Variants in ASIC2 observed in about 807,000 individuals in gnomAD.
The protein encoded by ASIC2 is acid sensing ion channel subunit 2.
A neutral mutation model predicts 57.3 loss-of-function variants in ASIC2; 25 were observed. The observed-to-expected ratio is 0.44, with a 90% CI of 0.32 to 0.61. ASIC2 has a LOEUF of 0.61. ASIC2 is among the 20% of genes least tolerant of loss of function. The pLI is 0.06. For synonymous variants in ASIC2, 319 were observed against 307.5 expected (o/e 1.04, Z -0.39); for missense variants, 641 against 738.1 (o/e 0.87, Z 1.52).
At chr17:33,118,794 A>G (rs1210523430) in intron 1 of ASIC2, among the ~76,000 whole-genome samples, 1 of 152,046 alleles carries the variant, frequency 6.6e-6, no homozygotes, top group African/African-American at 2.4e-5. Context: ...TTTTCCTCGA[A>G]GCCTTCTGTT....
intron 1 of ASIC2, among the ~76,000 whole-genome samples, chr17:33,948,435 G>A (rs901714860): frequency 6.6e-6 from 1 of 152,192 alleles, no homozygotes; most frequent in Non-Finnish European, 1.5e-5. Flanking sequence ...ACAATCACGG[G>A]CTCAGAGAGT....
chr17:33,189,166 C>G (rs1222403556), intron 1 of ASIC2, among the ~76,000 whole-genome samples: 1 of 152,120 alleles, frequency 6.6e-6, no homozygotes, highest in African/African-American at 2.4e-5. Flanking sequence ...TTACCCACAT[C>G]TAGTGGGTAG....
intron 1 of ASIC2, among the ~76,000 whole-genome samples, chr17:33,415,013 C>G: frequency 6.6e-6 from 1 of 152,222 alleles, no homozygotes; most frequent in East Asian, 1.9e-4. Context: ...TTCAGATGTG[C>G]AGTCCAGGCA....
intron 1 of ASIC2, among the ~76,000 whole-genome samples, chr17:33,489,800 C>T (rs750106035): frequency 6.6e-6 from 1 of 152,168 alleles, no homozygotes; most frequent in Non-Finnish European, 1.5e-5. Context: ...TGAGAATTCC[C>T]CAGGACTGTA....
chr17:33,013,905 T>C lies in ASIC2; in HGVS notation c.*60A>G. ...CATCCCACCTGAGCTTGCTGTTCCT[T>C]GTCCTGGGTCTTGGGCCTCAAGGTC... is the stretch of plus-strand genomic sequence containing the variant. On this transcript the variant is annotated 3_prime_UTR_variant, in exon 10 of 10. Coordinates refer to ENST00000225823, the MANE Select transcript of ASIC2 (RefSeq NM_183377.2). 7.1e-7 allele frequency: 1 copy of C among 1,412,534 alleles called. No individual in the cohort carries two copies. The allele number at this position is 1,412,534 out of a possible 1,614,324, so 87.5% of individuals were successfully genotyped here.
At chr17:33,082,830 A>C (rs2092118661) in intron 3 of ASIC2, among the ~76,000 whole-genome samples, 1 of 152,172 alleles carries the variant, frequency 6.6e-6, no homozygotes, top group Admixed American at 6.5e-5. Context: ...TGAATATCCC[A>C]GCTTTGCAGT....
chr17:33,712,739 G>A (rs996769522), intron 1 of ASIC2, among the ~76,000 whole-genome samples: 2 of 140,916 alleles, frequency 1.4e-5, no homozygotes, highest in Non-Finnish European at 1.5e-5. Context: ...TCCGCCTCCC[G>A]GGTTCACGCC....
At chr17:33,611,919 G>C (rs754489712) in intron 1 of ASIC2, among the ~76,000 whole-genome samples, 32 of 152,188 alleles carry the variant, frequency 2.1e-4, no homozygotes, top group Non-Finnish European at 4.1e-4. Flanking sequence ...AGAAGTCCAA[G>C]ATCTGCAGCC....
intron 1 of ASIC2, among the ~76,000 whole-genome samples, chr17:33,578,232 G>A (rs1198660720): frequency 2.0e-5 from 3 of 152,142 alleles, no homozygotes; most frequent in Non-Finnish European, 1.5e-5. Flanking sequence ...CGTTCTGAAT[G>A]CCCTTAGAAG....
intron 1 of ASIC2, among the ~76,000 whole-genome samples, chr17:33,808,393 C>A (rs1336521294): frequency 6.6e-6 from 1 of 152,178 alleles, no homozygotes; most frequent in Admixed American, 6.5e-5. Context: ...TTTGTCTATT[C>A]TTTTGCCAAT....
At chr17:33,144,649 T>G (rs1904480417) in intron 1 of ASIC2, among the ~76,000 whole-genome samples, 2 of 152,134 alleles carry the variant, frequency 1.3e-5, no homozygotes, top group Non-Finnish European at 2.9e-5. Flanking sequence ...GACCGATGCA[T>G]AATTCCAAGG....
chr17:33,747,425 C>CT (rs1910301870), intron 1 of ASIC2, among the ~76,000 whole-genome samples: 1 of 151,938 alleles, frequency 6.6e-6, no homozygotes, highest in African/African-American at 2.4e-5. Context: ...GGTTTCATCA[C>CT]TTGCCCAGGC....
intron 1 of ASIC2, among the ~76,000 whole-genome samples, chr17:33,163,237 CAAAG>C (rs1208567196): frequency 6.6e-6 from 1 of 152,148 alleles, no homozygotes; most frequent in Non-Finnish European, 1.5e-5. Flanking sequence ...GTTTTCAAGG[CAAAG>C]AAACAGCAGC....
intron 1 of ASIC2, among the ~76,000 whole-genome samples, chr17:33,189,744 TATA>T (rs1312531400): frequency 6.6e-6 from 1 of 151,974 alleles, no homozygotes; most frequent in Non-Finnish European, 1.5e-5. Flanking sequence ...ACCAAAAAGA[TATA>T]ATAATAATAA....
chr17:33,522,407 C>T (rs373122134), intron 1 of ASIC2, among the ~76,000 whole-genome samples: 1 of 152,214 alleles, frequency 6.6e-6, no homozygotes, highest in African/African-American at 2.4e-5. Flanking sequence ...TGGGCTGAGG[C>T]CCACCTGTGG....
At position 34,094,263 on chromosome 17, in the gene ASIC2, G is replaced by T. The variant is rs577590465; in HGVS notation, c.555+61715C>A. ...CTTCCACTGGCCCTTACTAATCTGAGACCTTGGCTAGGTCATTTAGCCTTA... is the reference window on the plus strand; with the variant it reads ...CTTCCACTGGCCCTTACTAATCTGATACCTTGGCTAGGTCATTTAGCCTTA... On this transcript the variant is annotated intron_variant, in intron 1 of 9. Coordinates refer to the ASIC2 transcript ENST00000359872. 3.3e-5 allele frequency among the ~76,000 whole-genome samples: 5 copies of T among 152,196 alleles called. No individual in the cohort carries two copies. In the East Asian group the frequency reaches 9.7e-4, roughly 29 times the overall value.
chr17:33,662,334 A>G (rs1452279066), intron 1 of ASIC2, among the ~76,000 whole-genome samples: 1 of 151,980 alleles, frequency 6.6e-6, no homozygotes, highest in Non-Finnish European at 1.5e-5. Context: ...AGTAACCTCT[A>G]CTCAAGCCAG....
At chr17:33,793,337 T>A (rs1597878375) in intron 1 of ASIC2, 2 of 152,276 alleles carry the variant, frequency 1.3e-5, no homozygotes, top group East Asian at 1.9e-4. Flanking sequence ...CTCACAATAA[T>A]GCAATGAGCT....
intron 1 of ASIC2, among the ~76,000 whole-genome samples, chr17:33,320,370 T>C (rs1906821789): frequency 6.6e-6 from 1 of 152,184 alleles, no homozygotes; most frequent in Non-Finnish European, 1.5e-5. Context: ...GTTTCATTTT[T>C]ATTGCGATAG....
Sources: allele counts gnomAD v4.1 joint callset (sites outside exome capture counted in the v4.1 genomes callset), GRCh38; gene constraint gnomAD v4.1.1; transcripts MANE v1.5; gene names NCBI Gene and HGNC (gene_info 2026-07-23, HGNC 2026-07-21).